Variants in CR2 observed in about 807,000 individuals in gnomAD.
CR2 encodes the protein complement receptor type 2.
In CR2, 96 loss-of-function variants were observed where a neutral mutation model predicts 123.0. The observed-to-expected ratio is 0.78, with a 90% CI of 0.66 to 0.93. The LOEUF (loss-of-function observed/expected upper bound fraction) is 0.93, where lower values mean the gene tolerates loss of function less well. CR2 is among the 40% of genes least tolerant of loss of function. The probability of loss-of-function intolerance (pLI) is 0.00; values close to 1 mark genes in which losing one functional copy is unlikely to be tolerated. For synonymous variants in CR2, 484 were observed against 469.5 expected, an observed-to-expected ratio of 1.03 and a Z score of -0.40; for missense variants, 1,258 against 1,361.0, an observed-to-expected ratio of 0.92 and a Z score of 1.19.
At position 207,479,986 on chromosome 1, in the gene CR2, G is replaced by A. The variant is rs1472830279; in HGVS notation, c.3121G>A (p.Ala1041Thr). ...SLAPVLCGIAAGLILLTFLIV... is the reference protein window; with the variant it reads ...SLAPVLCGIATGLILLTFLIV... ...CTGGATTTTTCTTCTAGGTATTGCT[G>A]CAGGTTTGATACTTCTTACCTTCTT... Residue 1041 changes from alanine (A) to threonine (T), a missense_variant, in exon 18 of 20, where the codon GCA (alanine) becomes ACA (threonine). By Grantham distance (58) the Ala-to-Thr change is moderately conservative (BLOSUM62 0). Transcript: ENST00000367057. 1 of 1,612,392 alleles carries A rather than the reference G, an allele frequency of 6.2e-7. No homozygotes were observed. The highest frequency in any genetic ancestry group is 1.7e-5 in the Admixed American group (1 of 59,990).
chr1:207,484,649 G>A (rs531922537), intron 18 of CR2, among the ~76,000 whole-genome samples: 1 of 152,182 alleles, frequency 6.6e-6, no homozygotes, highest in African/African-American at 2.4e-5. Context: ...GTCTTTAGCA[G>A]TATTCTTTCT....
At chr1:207,465,613 A>G (rs1410654741) in intron 1 of CR2, among the ~76,000 whole-genome samples, 1 of 152,228 alleles carries the variant, frequency 6.6e-6, no homozygotes, top group Non-Finnish European at 1.5e-5. Flanking sequence ...TGATGTGATG[A>G]AACAGTTTGG....
intron 15 of CR2, 97 bp from the exon 16 acceptor site, chr1:207,477,788 G>C (rs1658481581): frequency 3.0e-6 from 3 of 984,050 alleles, no homozygotes; most frequent in Non-Finnish European, 4.7e-6. Flanking sequence ...GAGTGAAACA[G>C]GTTGGTTTTA....
At chr1:207,484,573 A>T (rs1658697013) in intron 18 of CR2, among the ~76,000 whole-genome samples, 1 of 152,244 alleles carries the variant, frequency 6.6e-6, no homozygotes. Context: ...ACTGTTTTAT[A>T]ATCTTCTTAA....
intron 16 of CR2, among the ~76,000 whole-genome samples, 159 bp from the exon 17 acceptor site, chr1:207,479,098 A>G (rs917085883): frequency 6.6e-6 from 1 of 152,176 alleles, no homozygotes; most frequent in Non-Finnish European, 1.5e-5. Context: ...TGCTAGGATT[A>G]CAGGCATGTG....
intron 1 of CR2, among the ~76,000 whole-genome samples, chr1:207,465,745 C>T (rs1658082123): frequency 6.6e-6 from 1 of 152,140 alleles, no homozygotes; most frequent in Non-Finnish European, 1.5e-5. Flanking sequence ...AAAAGGCGTG[C>T]ATAACAAAGT....
intron 1 of CR2, among the ~76,000 whole-genome samples, chr1:207,458,965 TA>T (rs369125693): frequency 0.013 from 1,911 of 147,784 alleles, 36 homozygotes; most frequent in African/African-American, 0.04. Context: ...GGAAAGACCC[TA>T]AAAAAAAAAG....
At chr1:207,472,116 G>A (rs886408616) in intron 9 of CR2, 3 of 170,134 alleles carry the variant, frequency 1.8e-5, no homozygotes, top group Admixed American at 1.7e-4. Flanking sequence ...GTGTGTGGTG[G>A]CATGCATCTG....
Position 207,473,865 on chromosome 1 carries a change from TA to T in CR2, c.2222del (p.Asn741IlefsTer10). On this transcript the variant is annotated frameshift_variant, in exon 12 of 20. Coordinates refer to ENST00000367057, the MANE Select transcript of CR2 (RefSeq NM_001006658.3). LOFTEE classifies it high-confidence loss of function. ...LPAGSRVELV[N>X]TSCQDGYQLT... ...CAGCTGGTTCACGTGTGGAGCTAGTTAATACGTCCTGCCAAGATGGGTGAGT... is the reference window on the plus strand; with the variant it reads ...CAGCTGGTTCACGTGTGGAGCTAGTTATACGTCCTGCCAAGATGGGTGAGT... 6.2e-7 allele frequency: 1 copy of T among 1,613,858 alleles called. No homozygotes were observed. The highest frequency in any genetic ancestry group is 8.5e-7 in the Non-Finnish European group (1 of 1,179,842).
chr1:207,477,854 CTG>C, intron 15 of CR2, 29 bp from the exon 16 acceptor site: 1 of 1,607,558 alleles, frequency 6.2e-7, no homozygotes. Context: ...CAAAATATGA[CTG>C]TGCTTGAATT....
Position 207,454,738 on chromosome 1 carries a change from G to A in CR2, c.58+262G>A, listed in dbSNP as rs1019467453. ...GTCTGGTCGGCCCGGTGTGGCTGGCGGCGTGCGGGTGCTCGCGGTCTCCTG... is the reference window on the plus strand; with the variant it reads ...GTCTGGTCGGCCCGGTGTGGCTGGCAGCGTGCGGGTGCTCGCGGTCTCCTG... On this transcript the variant is annotated intron_variant, in intron 1 of 19. Coordinates refer to ENST00000367057, the MANE Select transcript of CR2 (RefSeq NM_001006658.3). This position sits in a 1 kb window ranked among gnomAD's most constrained non-coding sequence, Gnocchi z 4.3. 1.9e-5 allele frequency: 8 copies of A among 423,728 alleles called. No homozygotes were observed. The highest frequency in any genetic ancestry group is 8.3e-5 in the Admixed American group (2 of 24,146). The allele number at this position is 423,728 out of a possible 1,614,324, so 26.2% of individuals were successfully genotyped here. A position where few individuals can be genotyped will look rare whatever the true frequency, so the allele number is the denominator to read the frequency against.
chr1:207,468,005 A>G (rs1265959118), intron 2 of CR2, among the ~76,000 whole-genome samples: 1 of 152,202 alleles, frequency 6.6e-6, no homozygotes, highest in Non-Finnish European at 1.5e-5. Flanking sequence ...GTGAGAATAT[A>G]GGTGAAAATT....
intron 6 of CR2, among the ~76,000 whole-genome samples, chr1:207,470,444 A>C (rs1658235621): frequency 6.6e-6 from 1 of 152,202 alleles, no homozygotes; most frequent in South Asian, 2.1e-4. Context: ...TCTCCCATAA[A>C]AAACATACAA....
At position 207,466,527 on chromosome 1, in the gene CR2, G is replaced by A. The variant is rs1658102145; in HGVS notation, c.60G>A (p.Gly20=). The change falls in exon 2 of 20, where the codon GGG becomes GGA. Residue 20 remains glycine, a splice_region_variant and synonymous_variant. Coordinates refer to ENST00000367057, the MANE Select transcript of CR2 (RefSeq NM_001006658.3). ...CCAAGTTCCTTTTCTACTTTTCAGG[G>A]ATTTCTTGTGGCTCTCCTCCGCCTA... ...FLALVAPGVL[G]ISCGSPPPIL... 6.2e-7 allele frequency: 1 copy of A among 1,613,932 alleles called. No homozygotes were observed. Among genetic ancestry groups the A allele is most frequent in the South Asian group, 1.1e-5 (1 of 91,066 alleles).
At chr1:207,460,114 T>C (rs1657929155) in intron 1 of CR2, among the ~76,000 whole-genome samples, 1 of 152,204 alleles carries the variant, frequency 6.6e-6, no homozygotes, top group South Asian at 2.1e-4. Context: ...CTTATTTACA[T>C]TTGATAATTA....
Position 207,470,850 on chromosome 1 carries a change from G to A in CR2, c.1336G>A (p.Val446Met), listed in dbSNP as rs1319795269. The A allele has an allele frequency of 2.5e-6, 4 of 1,613,914 alleles. No individual in the cohort carries two copies. The highest frequency in any genetic ancestry group is 3.4e-6 in the Non-Finnish European group (4 of 1,179,902). Residue 446 changes from valine to methionine, a missense_variant, in exon 7 of 20, where the codon GTG becomes ATG. Coordinates refer to ENST00000367057, the MANE Select transcript of CR2 (RefSeq NM_001006658.3). ...KYSCNPGYVL[V>M]GEESIQCTSE... ...TAGCTGTAACCCTGGCTATGTGCTG[G>A]TGGGAGAAGAATCCATACAGTGTAC...
rs1219247007 is a variant in CR2 at position 207,454,524 on chromosome 1, G to C, written c.58+48G>C. 7.1e-7 allele frequency: 1 copy of C among 1,398,754 alleles called. No homozygotes were observed. 86.6% of individuals were successfully genotyped at this position (1,398,754 alleles called of 1,614,324 possible). ...GAGGTGGGGACGCGTCCCGGGCAGG[G>C]AAAGTTTCTGTGCCGCGATGCAAAG... On this transcript the variant is annotated intron_variant, in intron 1 of 19. Transcript: ENST00000367057. This position sits in a 1 kb window ranked among gnomAD's most constrained non-coding sequence, Gnocchi z 4.3.
chr1:207,467,840 A>T (rs2102301557), intron 2 of CR2, among the ~76,000 whole-genome samples: 1 of 152,328 alleles, frequency 6.6e-6, no homozygotes, highest in South Asian at 2.1e-4. Flanking sequence ...GAAGTAAGGC[A>T]TAGAATATGT....
chr1:207,474,414 T>C, intron 13 of CR2, 91 bp downstream of exon 13: 2 of 937,122 alleles, frequency 2.1e-6, no homozygotes, highest in Admixed American at 3.6e-5. Context: ...GCTTCAGCAG[T>C]CTTAGGCGTC....
Sources: gnomAD v4.1 joint callset for allele counts (sites outside exome capture counted in the v4.1 genomes callset) on GRCh38, gnomAD v4.1.1 for gene constraint, Gnocchi (gnomAD v3.1) non-coding constraint, MANE v1.5 for transcripts, NCBI Gene and HGNC (gene_info 2026-07-23, HGNC 2026-07-21) for gene names.